RAP1A: variants seen among roughly 807,000 people sequenced by gnomAD.
RAP1A encodes RAP1A, member of RAS oncogene family, also known as ras-related protein Rap-1A.
A neutral mutation model predicts 26.4 loss-of-function variants in RAP1A; 6 were observed. The observed-to-expected ratio is 0.23, with a 90% CI of 0.12 to 0.45. The LOEUF is 0.45. Ranked by LOEUF, RAP1A falls within the 20% of genes least tolerant of loss-of-function variation. The probability of loss-of-function intolerance (pLI) is 0.99; values close to 1 mark genes in which losing one functional copy is unlikely to be tolerated. For missense variants in RAP1A, 121 were observed against 217.2 expected, an observed-to-expected ratio of 0.56 and a Z score of 2.78; for synonymous variants, 73 against 79.4, an observed-to-expected ratio of 0.92 and a Z score of 0.43.
At chr1:111,692,291 A>G (rs910913546) in intron 2 of RAP1A, among the ~76,000 whole-genome samples, 2 of 152,222 alleles carry the variant, frequency 1.3e-5, no homozygotes, top group Non-Finnish European at 2.9e-5. Flanking sequence ...GTCCAAATCA[A>G]AGAGTCATGT....
At chr1:111,570,874 C>T (rs1455761288) in intron 1 of RAP1A, among the ~76,000 whole-genome samples, 1 of 152,206 alleles carries the variant, frequency 6.6e-6, no homozygotes, top group African/African-American at 2.4e-5. Flanking sequence ...TCAAACAACT[C>T]CCACCAAGCG....
chr1:111,689,385 T>C (rs867225191), intron 1 of RAP1A, among the ~76,000 whole-genome samples: 1 of 152,098 alleles, frequency 6.6e-6, no homozygotes, highest in Admixed American at 6.6e-5. Flanking sequence ...ATTTGAACTT[T>C]GTTTAAATTT....
chr1:111,695,457 ATGT>A, intron 3 of RAP1A, 48 bp downstream of exon 3: 1 of 1,328,004 alleles, frequency 7.5e-7, no homozygotes, highest in South Asian at 1.4e-5. Flanking sequence ...GTTCCTTATG[ATGT>A]TAAAATTTGA....
At chr1:111,630,170 A>G (rs1386826502) in intron 1 of RAP1A, among the ~76,000 whole-genome samples, 1 of 152,246 alleles carries the variant, frequency 6.6e-6, no homozygotes, top group Non-Finnish European at 1.5e-5. Flanking sequence ...TGAAATGTGA[A>G]TAGACTTTTA....
At chr1:111,553,385 C>A (rs1043241142) in intron 1 of RAP1A, among the ~76,000 whole-genome samples, 1 of 152,212 alleles carries the variant, frequency 6.6e-6, no homozygotes, top group Non-Finnish European at 1.5e-5. Flanking sequence ...GGATATGAAA[C>A]TGACATTCAT....
chr1:111,651,415 T>C (rs2101136476), intron 1 of RAP1A, among the ~76,000 whole-genome samples: 2 of 151,400 alleles, frequency 1.3e-5, no homozygotes, highest in Non-Finnish European at 2.9e-5. Flanking sequence ...CTTTTAATAA[T>C]CACTTAAAAA....
chr1:111,662,808 TAAA>T (rs1166800223), intron 1 of RAP1A, among the ~76,000 whole-genome samples: 1 of 152,242 alleles, frequency 6.6e-6, no homozygotes, highest in Non-Finnish European at 1.5e-5. Context: ...GTTGTGTAAA[TAAA>T]GAAGTTGAAT....
At chr1:111,667,374 A>G (rs1660826615) in intron 1 of RAP1A, among the ~76,000 whole-genome samples, 1 of 152,212 alleles carries the variant, frequency 6.6e-6, no homozygotes. Context: ...AATATTATAA[A>G]GAAATGTTTT....
At chr1:111,581,661 TTC>T (rs1658260197) in intron 1 of RAP1A, among the ~76,000 whole-genome samples, 1 of 152,256 alleles carries the variant, frequency 6.6e-6, no homozygotes, top group Admixed American at 6.5e-5. Flanking sequence ...CCTGTTTCCT[TTC>T]ATCTGGAAGC....
At chr1:111,662,027 A>G (rs936171385) in intron 1 of RAP1A, among the ~76,000 whole-genome samples, 2 of 152,126 alleles carry the variant, frequency 1.3e-5, no homozygotes, top group Admixed American at 6.5e-5. Flanking sequence ...ATCCTGTTCA[A>G]ACTGATTCAT....
At chr1:111,628,729 T>A (rs575963675) in intron 1 of RAP1A, among the ~76,000 whole-genome samples, 36 of 152,232 alleles carry the variant, frequency 2.4e-4, no homozygotes, top group African/African-American at 8.4e-4. Flanking sequence ...GGCTTCATGT[T>A]TGTGAAGATC....
At chr1:111,700,504 C>T (rs1252807268) in intron 4 of RAP1A, among the ~76,000 whole-genome samples, 2 of 152,182 alleles carry the variant, frequency 1.3e-5, no homozygotes, top group Non-Finnish European at 2.9e-5. Context: ...GAGGGATCCA[C>T]CTCCATGACC....
chr1:111,587,578 A>C (rs934535427), intron 1 of RAP1A, among the ~76,000 whole-genome samples: 1 of 152,068 alleles, frequency 6.6e-6, no homozygotes, highest in African/African-American at 2.4e-5. Context: ...AAATATAAAT[A>C]TTATCATCTC....
intron 1 of RAP1A, among the ~76,000 whole-genome samples, chr1:111,656,118 G>T (rs889973314): frequency 9.2e-5 from 14 of 151,970 alleles, no homozygotes; most frequent in Non-Finnish European, 1.8e-4. Flanking sequence ...AAAACACTTT[G>T]ACATGCCCAG....
intron 1 of RAP1A, chr1:111,608,490 A>C (rs1410051002): frequency 5.9e-6 from 1 of 168,450 alleles, no homozygotes; most frequent in Non-Finnish European, 1.3e-5. Flanking sequence ...CTCACTTCCC[A>C]GACGGGGTGG....
At chr1:111,622,020 CAT>C (rs1323563531) in intron 1 of RAP1A, among the ~76,000 whole-genome samples, 11 of 152,266 alleles carry the variant, frequency 7.2e-5, no homozygotes, top group African/African-American at 2.4e-4. Flanking sequence ...TGTATATGCA[CAT>C]GTTCATTTAA....
chr1:111,617,011 C>CATGTGTGTGTGGGTATGCAT (rs1659025668), upstream of RAP1A, among the ~76,000 whole-genome samples: 1 of 152,094 alleles, frequency 6.6e-6, no homozygotes, highest in Non-Finnish European at 1.5e-5. Context: ...AAGGTCCATA[C>CATGTGTGTGTGGGTATGCAT]GTGTGTGTGT....
chr1:111,712,804 A>G lies in RAP1A; in HGVS notation c.*403A>G, dbSNP rs1318180616. 1 of 152,504 alleles carries G rather than the reference A, an allele frequency of 6.6e-6. No homozygotes were observed. The highest frequency in any genetic ancestry group is 1.5e-5 in the Non-Finnish European group (1 of 67,932). 9.4% of individuals were successfully genotyped at this position (152,504 alleles called of 1,614,324 possible). ...CTAAAAAGTTGAACCATTATACTTT[A>G]TATCTGTAATGATACTGATTATGAA... On this transcript the variant is annotated 3_prime_UTR_variant, in exon 8 of 8. Coordinates refer to ENST00000369709, the MANE Select transcript of RAP1A (RefSeq NM_002884.4).
chr1:111,638,109 GTTTC>G (rs1200189364), intron 1 of RAP1A, among the ~76,000 whole-genome samples: 1 of 151,594 alleles, frequency 6.6e-6, no homozygotes, highest in African/African-American at 2.4e-5. Flanking sequence ...TTATATAGCT[GTTTC>G]TGTCTCTTAA....
Sources: allele counts gnomAD v4.1 joint callset (sites outside exome capture counted in the v4.1 genomes callset), GRCh38; gene constraint gnomAD v4.1.1; transcripts MANE v1.5; gene names NCBI Gene and HGNC (gene_info 2026-07-23, HGNC 2026-07-21).